Variants in ANKS1B observed in about 807,000 individuals in gnomAD.
ANKS1B encodes ankyrin repeat and sterile alpha motif domain-containing protein 1B.
ANKS1B carries 36 observed loss-of-function variants against 148.3 expected under a neutral mutation model. The observed-to-expected ratio is 0.24, with a 90% confidence interval of 0.19 to 0.32. The LOEUF is 0.32. ANKS1B is among the 10% of genes least tolerant of loss of function. ANKS1B has a pLI of 1.00. For missense variants in ANKS1B, 1,157 were observed against 1,542.6 expected (o/e 0.75, Z 4.19); for synonymous variants, 542 against 560.8 (o/e 0.97, Z 0.47).
At chr12:99,372,563 TC>T (rs1336690550) in intron 12 of ANKS1B, among the ~76,000 whole-genome samples, 2 of 152,180 alleles carry the variant, frequency 1.3e-5, no homozygotes, top group Non-Finnish European at 2.9e-5. Context: ...TGATATGTTT[TC>T]CATCCTCATT....
At chr12:98,837,788 GT>G (rs1289379083) in intron 17 of ANKS1B, among the ~76,000 whole-genome samples, 7 of 152,102 alleles carry the variant, frequency 4.6e-5, no homozygotes, top group Admixed American at 2.6e-4. Context: ...AATTAAACAT[GT>G]TTAAATTTAT....
Position 98,745,526 on chromosome 12 carries a change from CTCTCAGGGGTTGCG to C in ANKS1B, c.*199_*212del. ...AGGGAAAACCCATCTCAACTCACGC[CTCTCAGGGGTTGCG>C]ACTGGAAAGTCTTGCGTTTTCCATC... is the stretch of plus-strand genomic sequence containing the variant. On this transcript the variant is annotated 3_prime_UTR_variant, in exon 27 of 27. Transcript: ENST00000683438. 1 of 1,307,696 alleles carries C rather than the reference CTCTCAGGGGTTGCG, an allele frequency of 7.6e-7. No individual in the cohort carries two copies. The allele number at this position is 1,307,696 out of a possible 1,614,324, so 81.0% of individuals were successfully genotyped here.
intron 15 of ANKS1B, among the ~76,000 whole-genome samples, chr12:99,145,194 C>T (rs1197232799): frequency 6.6e-6 from 1 of 152,036 alleles, no homozygotes; most frequent in African/African-American, 2.4e-5. Flanking sequence ...TTGTTTAAGG[C>T]TCCTCAGCAG....
chr12:98,796,568 A>T (rs192438107), intron 22 of ANKS1B, among the ~76,000 whole-genome samples: 59 of 152,348 alleles, frequency 3.9e-4, no homozygotes, highest in African/African-American at 7.7e-4. Context: ...ATAGCAGATC[A>T]ACCCTATGCT....
At chr12:99,905,099 G>A (rs867319426) in intron 1 of ANKS1B, among the ~76,000 whole-genome samples, 33 of 152,152 alleles carry the variant, frequency 2.2e-4, no homozygotes, top group African/African-American at 7.7e-4. Flanking sequence ...TTTAGGTAAT[G>A]GCCTATCTCT....
intron 17 of ANKS1B, among the ~76,000 whole-genome samples, chr12:98,890,819 G>A (rs1286268932): frequency 6.6e-5 from 10 of 152,120 alleles, no homozygotes; most frequent in Admixed American, 2.0e-4. Context: ...ACCTAGCCCC[G>A]TCCCATGTTA....
chr12:99,721,203 T>C (rs1420761942), intron 8 of ANKS1B, among the ~76,000 whole-genome samples: 2 of 152,076 alleles, frequency 1.3e-5, no homozygotes, highest in African/African-American at 4.8e-5. Context: ...CCGCCCCTAA[T>C]CCCACTCGAA....
intron 10 of ANKS1B, among the ~76,000 whole-genome samples, chr12:99,472,404 C>T: frequency 6.6e-6 from 1 of 152,032 alleles, no homozygotes; most frequent in East Asian, 1.9e-4. Flanking sequence ...AAGGCAAGAA[C>T]CTTTTTACAT....
intron 16 of ANKS1B, among the ~76,000 whole-genome samples, chr12:99,056,056 A>C (rs552437233): frequency 6.6e-6 from 1 of 152,300 alleles, no homozygotes; most frequent in South Asian, 2.1e-4. Flanking sequence ...TAGAGAGCAC[A>C]ACTGAAGAGA....
chr12:99,848,783 A>G (rs1224720025), intron 1 of ANKS1B, among the ~76,000 whole-genome samples: 4 of 152,098 alleles, frequency 2.6e-5, no homozygotes, highest in African/African-American at 9.7e-5. Context: ...ACACAGCCCA[A>G]TAAAAAATGA....
intron 1 of ANKS1B, among the ~76,000 whole-genome samples, chr12:99,928,423 C>T (rs61941575): frequency 0.055 from 8,233 of 150,724 alleles, 337 homozygotes; most frequent in Admixed American, 0.099. Context: ...GGACTACAGG[C>T]GCCCGCCACC....
At chr12:99,126,971 G>A (rs1303000631) in intron 15 of ANKS1B, among the ~76,000 whole-genome samples, 1 of 151,910 alleles carries the variant, frequency 6.6e-6, no homozygotes, top group Admixed American at 6.5e-5. Flanking sequence ...AGTCATGATG[G>A]AAACCTTGAA....
At chr12:99,109,268 G>A (rs2059820091) in intron 15 of ANKS1B, among the ~76,000 whole-genome samples, 1 of 152,168 alleles carries the variant, frequency 6.6e-6, no homozygotes, top group Non-Finnish European at 1.5e-5. Flanking sequence ...ATCAAGTAGA[G>A]CAATTCCTAT....
intron 9 of ANKS1B, among the ~76,000 whole-genome samples, chr12:99,612,782 T>C (rs2097913515): frequency 6.6e-6 from 1 of 152,134 alleles, no homozygotes; most frequent in African/African-American, 2.4e-5. Context: ...ATTAAAACAT[T>C]ATTCTTTGCA....
At chr12:99,693,341 A>C (rs1056919026) in intron 8 of ANKS1B, among the ~76,000 whole-genome samples, 2 of 152,218 alleles carry the variant, frequency 1.3e-5, no homozygotes, top group African/African-American at 4.8e-5. Context: ...CTGCCCATTA[A>C]AGCAGAGACA....
intron 8 of ANKS1B, among the ~76,000 whole-genome samples, chr12:99,707,074 G>A (rs754698391): frequency 6.6e-6 from 1 of 152,110 alleles, no homozygotes; most frequent in African/African-American, 2.4e-5. Flanking sequence ...CACTAAATTT[G>A]TGGTAAAATG....
intron 17 of ANKS1B, among the ~76,000 whole-genome samples, chr12:98,882,800 A>G (rs1054689692): frequency 6.6e-6 from 1 of 152,150 alleles, no homozygotes; most frequent in Admixed American, 6.5e-5. Context: ...GAGAATGATC[A>G]TAAAACTCCA....
intron 12 of ANKS1B, among the ~76,000 whole-genome samples, chr12:99,368,430 G>C (rs1180110291): frequency 6.6e-6 from 1 of 151,888 alleles, no homozygotes; most frequent in Non-Finnish European, 1.5e-5. Context: ...TTTAAAAATA[G>C]TTTTGTTCTC....
chr12:99,364,711 T>C (rs1295291050), intron 12 of ANKS1B, among the ~76,000 whole-genome samples: 1 of 152,202 alleles, frequency 6.6e-6, no homozygotes, highest in African/African-American at 2.4e-5. Flanking sequence ...TGGTCATGTT[T>C]TTACTGATGG....
Sources: allele counts gnomAD v4.1 joint callset (sites outside exome capture counted in the v4.1 genomes callset), GRCh38; gene constraint gnomAD v4.1.1; transcripts MANE v1.5; gene names NCBI Gene and HGNC (gene_info 2026-07-23, HGNC 2026-07-21).